PDE11A: variants seen among roughly 807,000 people sequenced by gnomAD.
The protein encoded by PDE11A is dual 3',5'-cyclic-AMP and -GMP phosphodiesterase 11A.
In PDE11A, 100 loss-of-function variants were observed where a neutral mutation model predicts 100.5. The ratio of observed to expected loss-of-function variants is 1.00; its 90% CI spans 0.85 to 1.18. The LOEUF (loss-of-function observed/expected upper bound fraction) is 1.18. Ranked by LOEUF, PDE11A falls within the 50% of genes most tolerant of loss-of-function variation. PDE11A has a pLI of 0.00. For missense variants in PDE11A, 1,141 were observed against 1,152.6 expected (o/e 0.99, Z 0.15); for synonymous variants, 381 against 420.8 (o/e 0.91, Z 1.16).
chr2:177,999,200 G>A (rs2086114055), intron 2 of PDE11A, among the ~76,000 whole-genome samples: 1 of 151,722 alleles, frequency 6.6e-6, no homozygotes, highest in African/African-American at 2.4e-5. Context: ...TCCTAATCAT[G>A]ATGGGAATCA....
intron 5 of PDE11A, among the ~76,000 whole-genome samples, chr2:177,867,786 A>T (rs1173966651): frequency 2.0e-5 from 3 of 152,216 alleles, no homozygotes; most frequent in Non-Finnish European, 2.9e-5. Flanking sequence ...ACTCCGGAAT[A>T]AACAAAATCC....
chr2:178,105,812 T>C, intron 1 of PDE11A: 1 of 699,474 alleles, frequency 1.4e-6, no homozygotes, highest in Non-Finnish European at 2.0e-6. Flanking sequence ...CCCAGCCAAC[T>C]GGGACCTTGG....
intron 10 of PDE11A, among the ~76,000 whole-genome samples, chr2:177,766,705 T>C (rs966184771): frequency 1.6e-4 from 24 of 152,306 alleles, no homozygotes; most frequent in African/African-American, 5.3e-4. Context: ...ATGTTATTGC[T>C]GCAGTTATAA....
chr2:177,697,452 A>T lies in PDE11A; in HGVS notation c.2245-20T>A. On this transcript the variant is annotated intron_variant, in intron 14 of 19. Coordinates refer to ENST00000286063, the MANE Select transcript of PDE11A (RefSeq NM_016953.4). ...GTGACCCTGTAATGAGAAAGTAAAAAGTCACAAAAGACATTAAATCTGTGG... is the reference window on the plus strand; with the variant it reads ...GTGACCCTGTAATGAGAAAGTAAAATGTCACAAAAGACATTAAATCTGTGG... 8.8e-7 allele frequency: 1 copy of T among 1,139,342 alleles called. No individual in the cohort carries two copies. The highest frequency in any genetic ancestry group is 1.3e-6 in the Non-Finnish European group (1 of 746,694). The allele number at this position is 1,139,342 out of a possible 1,614,324, so 70.6% of individuals were successfully genotyped here.
intron 2 of PDE11A, among the ~76,000 whole-genome samples, chr2:177,972,920 A>G (rs930063675): frequency 3.3e-5 from 5 of 152,222 alleles, no homozygotes; most frequent in Admixed American, 6.5e-5. Context: ...AGTTGTGCCT[A>G]TGATAACAGC....
intron 5 of PDE11A, among the ~76,000 whole-genome samples, chr2:177,852,512 A>G (rs6753870): frequency 0.34 from 51,676 of 151,980 alleles, 10,515 homozygotes; most frequent in East Asian, 0.53. Context: ...CAGCCTGTCT[A>G]TCCCTGGAGC....
At chr2:177,849,684 G>A (rs1165058819) in intron 5 of PDE11A, among the ~76,000 whole-genome samples, 1 of 151,620 alleles carries the variant, frequency 6.6e-6, no homozygotes, top group Non-Finnish European at 1.5e-5. Context: ...CAGCTACTCA[G>A]GAGGCTGAGG....
chr2:177,944,360 G>T (rs1440552313), intron 2 of PDE11A, among the ~76,000 whole-genome samples: 1 of 152,142 alleles, frequency 6.6e-6, no homozygotes, highest in African/African-American at 2.4e-5. Flanking sequence ...CCAAAAGAAA[G>T]TTCTGTCAAT....
At chr2:177,717,767 G>A (rs1259205638) in intron 12 of PDE11A, among the ~76,000 whole-genome samples, 1 of 152,054 alleles carries the variant, frequency 6.6e-6, no homozygotes, top group Non-Finnish European at 1.5e-5. Flanking sequence ...AGCCACTACG[G>A]CATATAATAA....
At chr2:178,040,563 G>A (rs1445972026) in intron 1 of PDE11A, among the ~76,000 whole-genome samples, 1 of 152,142 alleles carries the variant, frequency 6.6e-6, no homozygotes, top group African/African-American at 2.4e-5. Flanking sequence ...AATGCGCAGA[G>A]TTCTTAGGGT....
chr2:177,717,202 C>T (rs943396654), intron 12 of PDE11A, among the ~76,000 whole-genome samples: 4 of 152,174 alleles, frequency 2.6e-5, no homozygotes, highest in African/African-American at 9.7e-5. Flanking sequence ...TGAAGCAGCA[C>T]CTATCTCTTG....
At chr2:177,857,645 A>G (rs9989802) in intron 5 of PDE11A, among the ~76,000 whole-genome samples, 15,353 of 152,018 alleles carry the variant, frequency 0.1, 970 homozygotes, top group African/African-American at 0.18. Flanking sequence ...GAAGGCATAT[A>G]GAAAACAAAT....
At chr2:178,100,589 A>G (rs2087549115) in intron 2 of PDE11A, among the ~76,000 whole-genome samples, 1 of 152,240 alleles carries the variant, frequency 6.6e-6, no homozygotes, top group Non-Finnish European at 1.5e-5. Flanking sequence ...CAATTAACAT[A>G]GTAAGCTACT....
chr2:177,769,278 A>G (rs763614840), intron 10 of PDE11A, 45 bp downstream of exon 10: 5 of 1,117,222 alleles, frequency 4.5e-6, no homozygotes, highest in Non-Finnish European at 1.4e-6. Flanking sequence ...AGGCCAGGAG[A>G]AGTTTAACTG....
rs2085393281 is a variant in PDE11A at position 177,945,125 on chromosome 2, A to C, written c.1072-39938T>G. On this transcript the variant is annotated intron_variant, in intron 2 of 19. Transcript: ENST00000286063. The stretch of plus-strand genomic sequence containing the variant: ...AGGGAGTCTCGTTCACTCAGTGCTC[A>C]ATGGTGCCCAGGCTGGAGTGCAGTG... 2.0e-5 allele frequency among the ~76,000 whole-genome samples: 3 copies of C among 150,974 alleles called. No individual in the cohort carries two copies. In the South Asian group the frequency reaches 6.4e-4, roughly 32 times the overall value.
At chr2:178,037,279 A>G (rs1226371475) in intron 1 of PDE11A, among the ~76,000 whole-genome samples, 1 of 152,250 alleles carries the variant, frequency 6.6e-6, no homozygotes, top group Non-Finnish European at 1.5e-5. Flanking sequence ...AAAGCTCATC[A>G]TCACTGGTCA....
At chr2:177,730,011 GA>G (rs1441273072) in intron 10 of PDE11A, among the ~76,000 whole-genome samples, 1 of 151,928 alleles carries the variant, frequency 6.6e-6, no homozygotes, top group East Asian at 1.9e-4. Flanking sequence ...GAAACAGAGG[GA>G]AAAAAGATAC....
intron 17 of PDE11A, among the ~76,000 whole-genome samples, 160 bp downstream of exon 17, chr2:177,675,295 G>A (rs3770015): frequency 0.73 from 110,187 of 150,574 alleles, 41,978 homozygotes; most frequent in East Asian, 0.85. Flanking sequence ...GCAATAAACT[G>A]TGTCGTGCCT....
At chr2:178,088,926 T>C (rs998425596) in intron 2 of PDE11A, among the ~76,000 whole-genome samples, 1 of 152,182 alleles carries the variant, frequency 6.6e-6, no homozygotes, top group African/African-American at 2.4e-5. Flanking sequence ...TGTAAAGAGT[T>C]GTAAAAGTTA....
Sources: gnomAD v4.1 joint callset for allele counts (sites outside exome capture counted in the v4.1 genomes callset) on GRCh38, gnomAD v4.1.1 for gene constraint, MANE v1.5 for transcripts, NCBI Gene and HGNC (gene_info 2026-07-23, HGNC 2026-07-21) for gene names.